The following CDH7 variants were observed in gnomAD, a reference collection of about 807,000 sequenced individuals.
The protein encoded by CDH7 is cadherin-7.
CDH7 carries 25 observed loss-of-function variants against 71.8 expected under a neutral mutation model. The observed-to-expected ratio is 0.35, with a 90% confidence interval of 0.25 to 0.49. The LOEUF is 0.49. Ranked by LOEUF, CDH7 falls within the 20% of genes least tolerant of loss-of-function variation. The probability of loss-of-function intolerance (pLI) is 0.99; values close to 1 mark genes in which losing one functional copy is unlikely to be tolerated. For missense variants in CDH7, 862 were observed against 974.6 expected, an observed-to-expected ratio of 0.88 and a Z score of 1.54; for synonymous variants, 381 against 363.8, an observed-to-expected ratio of 1.05 and a Z score of -0.54.
At chr18:65,825,858 G>C (rs960619600) in intron 6 of CDH7, among the ~76,000 whole-genome samples, 1 of 151,748 alleles carries the variant, frequency 6.6e-6, no homozygotes, top group African/African-American at 2.4e-5. Context: ...TAGGCCAACT[G>C]TTGGTAAAAT....
intron 2 of CDH7, among the ~76,000 whole-genome samples, chr18:65,772,062 C>T (rs779332801): frequency 5.3e-5 from 8 of 152,100 alleles, no homozygotes; most frequent in Non-Finnish European, 8.8e-5. Flanking sequence ...AGAATGTTTG[C>T]TTATCTCCTT....
chr18:65,867,129 G>A (rs1297000864), intron 11 of CDH7, among the ~76,000 whole-genome samples: 3 of 150,404 alleles, frequency 2.0e-5, no homozygotes, highest in Non-Finnish European at 4.4e-5. Flanking sequence ...TCCACCTCCT[G>A]GGTTCACGCC....
chr18:65,868,125 A>T (rs1453616766), intron 11 of CDH7, among the ~76,000 whole-genome samples: 2 of 152,206 alleles, frequency 1.3e-5, no homozygotes, highest in Non-Finnish European at 2.9e-5. Flanking sequence ...TAATGATAGA[A>T]CATAATTGGC....
chr18:65,807,053 C>T (rs1199655998), intron 2 of CDH7, among the ~76,000 whole-genome samples: 5 of 150,318 alleles, frequency 3.3e-5, no homozygotes, highest in African/African-American at 1.2e-4. Context: ...AAATTGTCAG[C>T]GATGGGAAGA....
In CDH7 at chr18:65,859,040, G is replaced by A. The variant is rs145272015; in HGVS notation, c.1488G>A (p.Pro496=). 20 of 1,613,066 alleles carry A rather than the reference G, an allele frequency of 1.2e-5. No individual in the cohort carries two copies. The African/African-American group carries it at 1.3e-4, about 11-fold the overall frequency. ...CCACCGTCTGTGAAAATGCCCAGCC[G>A]GGGCAGGTAAGAGTCTTCAGAACAC... ...YETTVCENAQ[P]GQVIQKISAV... is the part of the protein sequence containing the mutation. The change falls in exon 9 of 12, where the codon CCG becomes CCA. Residue 496 remains proline, a synonymous_variant. Coordinates refer to ENST00000397968, the MANE Select transcript of CDH7 (RefSeq NM_004361.5).
At chr18:65,801,126 G>A (rs936992121) in intron 2 of CDH7, among the ~76,000 whole-genome samples, 2 of 152,150 alleles carry the variant, frequency 1.3e-5, no homozygotes, top group Admixed American at 1.3e-4. Context: ...CTTGATTCAA[G>A]ACTTTAGGCT....
chr18:65,850,173 A>ATATATATATATATATATATATATATAT (rs145348057), intron 7 of CDH7, among the ~76,000 whole-genome samples: 5 of 65,312 alleles, frequency 7.7e-5, no homozygotes, highest in African/African-American at 3.2e-4. Context: ...CACTATATAT[A>ATATATATATATATATATATATATATAT]ATATATATAT....
intron 2 of CDH7, among the ~76,000 whole-genome samples, chr18:65,797,173 C>T (rs1221824947): frequency 6.6e-6 from 1 of 152,066 alleles, no homozygotes; most frequent in Non-Finnish European, 1.5e-5. Flanking sequence ...AAAATCATGG[C>T]CAGTCTCTCC....
chr18:65,788,517 G>A (rs180810009), intron 2 of CDH7, among the ~76,000 whole-genome samples: 1 of 152,304 alleles, frequency 6.6e-6, no homozygotes, highest in East Asian at 1.9e-4. Context: ...GTCATGCTGT[G>A]TAGCGCGAGC....
intron 4 of CDH7, among the ~76,000 whole-genome samples, chr18:65,818,243 C>T (rs749249660): frequency 2.1e-4 from 32 of 152,124 alleles, no homozygotes; most frequent in Admixed American, 1.1e-3. Flanking sequence ...ACTTTGGATG[C>T]TATAAGGTTT....
chr18:65,810,508 A>G (rs1290704971), intron 3 of CDH7, among the ~76,000 whole-genome samples: 1 of 152,180 alleles, frequency 6.6e-6, no homozygotes, highest in Non-Finnish European at 1.5e-5. Flanking sequence ...AATTGTAATG[A>G]GTATGCTTGA....
chr18:65,767,717 A>G (rs1183069208), intron 2 of CDH7, among the ~76,000 whole-genome samples: 1 of 152,226 alleles, frequency 6.6e-6, no homozygotes, highest in Non-Finnish European at 1.5e-5. Context: ...ATTCCTGGTG[A>G]TTTCAAAAGG....
chr18:65,829,738 C>T (rs1912268498), intron 6 of CDH7, among the ~76,000 whole-genome samples: 2 of 149,720 alleles, frequency 1.3e-5, no homozygotes, highest in African/African-American at 4.9e-5. Flanking sequence ...AAGCACAGCG[C>T]CTGTACCAGC....
chr18:65,757,154 A>G lies in CDH7; in HGVS notation c.-196-5493A>G, dbSNP rs998709803. On this transcript the variant is annotated intron_variant, in intron 1 of 11. Coordinates refer to ENST00000397968, the MANE Select transcript of CDH7 (RefSeq NM_004361.5). The stretch of plus-strand genomic sequence containing the variant: ...TGATCTGTTAAAAGTGGTTTCCTAG[A>G]GATGTCAAGTGGAGGAGAAATTCCA... Among the ~76,000 whole-genome samples, 3 of 152,124 alleles carry G rather than the reference A, an allele frequency of 2.0e-5. No homozygotes were observed. In the East Asian group the frequency reaches 5.8e-4, roughly 29 times the overall value.
chr18:65,773,628 A>C (rs1311996069), intron 2 of CDH7, among the ~76,000 whole-genome samples: 2 of 152,170 alleles, frequency 1.3e-5, no homozygotes, highest in African/African-American at 4.8e-5. Flanking sequence ...AATAGGAACA[A>C]CAATACTAAC....
At chr18:65,837,750 T>C (rs930187236) in intron 6 of CDH7, among the ~76,000 whole-genome samples, 20 of 151,826 alleles carry the variant, frequency 1.3e-4, no homozygotes, top group Middle Eastern at 3.2e-3. Flanking sequence ...AATAAGAAAA[T>C]AGAAACGACA....
chr18:65,857,316 CTAT>C (rs1415200206), intron 7 of CDH7, among the ~76,000 whole-genome samples: 13 of 87,806 alleles, frequency 1.5e-4, no homozygotes, highest in South Asian at 9.4e-4. Flanking sequence ...GACCCTGCAT[CTAT>C]AATAATAATA....
At chr18:65,855,238 TAAG>T (rs1913310247) in intron 7 of CDH7, among the ~76,000 whole-genome samples, 1 of 150,898 alleles carries the variant, frequency 6.6e-6, no homozygotes, top group African/African-American at 2.4e-5. Context: ...ACAATAAAGA[TAAG>T]AACATAAATC....
At chr18:65,771,281 T>A (rs2143807283) in intron 2 of CDH7, among the ~76,000 whole-genome samples, 1 of 152,174 alleles carries the variant, frequency 6.6e-6, no homozygotes, top group South Asian at 2.1e-4. Flanking sequence ...AACAAGTAAT[T>A]GTTGACAATA....
Sources: allele counts gnomAD v4.1 joint callset (sites outside exome capture counted in the v4.1 genomes callset), GRCh38; gene constraint gnomAD v4.1.1; transcripts MANE v1.5; gene names NCBI Gene and HGNC (gene_info 2026-07-23, HGNC 2026-07-21).